The following PRKAG2 variants were observed in gnomAD, a reference collection of about 807,000 sequenced individuals.
The protein encoded by PRKAG2 is 5'-AMP-activated protein kinase subunit gamma-2.
A neutral mutation model predicts 69.6 loss-of-function variants in PRKAG2; 26 were observed. The ratio of observed to expected loss-of-function variants is 0.37; its 90% CI spans 0.27 to 0.52. PRKAG2 has a LOEUF of 0.52. PRKAG2 is among the 20% of genes least tolerant of loss of function. The pLI is 0.90. For synonymous variants in PRKAG2, 293 were observed against 285.0 expected, an observed-to-expected ratio of 1.03 and a Z score of -0.28; for missense variants, 557 against 740.0, an observed-to-expected ratio of 0.75 and a Z score of 2.87.
intron 3 of PRKAG2, 91 bp from the exon 4 acceptor site, chr7:151,675,728 T>C (rs1832822367): frequency 1.6e-6 from 2 of 1,274,812 alleles, no homozygotes; most frequent in Non-Finnish European, 2.3e-6. Context: ...GGAAGGGAGA[T>C]GGGGAGAGGT....
intron 4 of PRKAG2, among the ~76,000 whole-genome samples, chr7:151,634,430 T>A (rs538188113): frequency 1.3e-5 from 2 of 152,054 alleles, no homozygotes; most frequent in East Asian, 3.9e-4. Flanking sequence ...AAAAACACAG[T>A]CCATAAAAGG....
At chr7:151,689,223 G>C (rs893268757) in intron 3 of PRKAG2, among the ~76,000 whole-genome samples, 2 of 152,206 alleles carry the variant, frequency 1.3e-5, no homozygotes, top group Non-Finnish European at 2.9e-5. Flanking sequence ...CTCATGAACA[G>C]ATCCCCTCCT....
At chr7:151,802,171 C>G (rs75799992) in intron 1 of PRKAG2, among the ~76,000 whole-genome samples, 1 of 152,194 alleles carries the variant, frequency 6.6e-6, no homozygotes, top group South Asian at 2.1e-4. Flanking sequence ...TGGGACATCC[C>G]TAGAGCCAGA....
At chr7:151,676,352 C>A (rs1832948457) in intron 3 of PRKAG2, among the ~76,000 whole-genome samples, 1 of 152,006 alleles carries the variant, frequency 6.6e-6, no homozygotes, top group African/African-American at 2.4e-5. Flanking sequence ...AGTAGCAAGA[C>A]TTCACTGCGA....
At chr7:151,849,857 T>C (rs2079528546) in intron 1 of PRKAG2, among the ~76,000 whole-genome samples, 1 of 152,186 alleles carries the variant, frequency 6.6e-6, no homozygotes, top group South Asian at 2.1e-4. Context: ...AGAGACGCCA[T>C]ATCCACACAA....
Position 151,699,739 on chromosome 7 carries a change from T to C in PRKAG2, c.467-24102A>G, listed in dbSNP as rs1052955676. Among the ~76,000 whole-genome samples, 2 of 152,156 alleles carry C rather than the reference T, an allele frequency of 1.3e-5. No individual in the cohort carries two copies. Among genetic ancestry groups the C allele is most frequent in the African/African-American group, 4.8e-5 (2 of 41,424 alleles). ...CAGGAAGCATCTGATGGAGGACACGTCAATCTTTTCATCAATCATTGAAAG... is the reference window on the plus strand; with the variant it reads ...CAGGAAGCATCTGATGGAGGACACGCCAATCTTTTCATCAATCATTGAAAG... On this transcript the variant is annotated intron_variant, in intron 3 of 15. Transcript: ENST00000287878. This position sits in a 1 kb window ranked among gnomAD's most constrained non-coding sequence, Gnocchi z 4.5.
intron 15 of PRKAG2, chr7:151,559,762 T>A: frequency 1.4e-5 from 14 of 985,404 alleles, no homozygotes; most frequent in Non-Finnish European, 1.7e-5. Flanking sequence ...GGCATGCTGT[T>A]TGCTCCCACA....
chr7:151,814,511 C>G lies in PRKAG2; in HGVS notation c.115-27970G>C, dbSNP rs142147932. 102 of 1,231,054 alleles carry G rather than the reference C, an allele frequency of 8.3e-5. No homozygotes were observed. The highest frequency in any genetic ancestry group is 6.5e-5 in the Non-Finnish European group (64 of 987,930). 76.3% of individuals were successfully genotyped at this position (1,231,054 alleles called of 1,614,324 possible). A position where few individuals can be genotyped will look rare whatever the true frequency, so the allele number is the denominator to read the frequency against. ...GATGGCAGGATGCGAGTGACGGGGA[C>G]GGGCGGCACTCCCAGCTCTGACAAA... On this transcript the variant is annotated intron_variant, in intron 1 of 15. Coordinates refer to ENST00000287878, the MANE Select transcript of PRKAG2 (RefSeq NM_016203.4). The surrounding 1 kb of genome is among the most constrained non-coding windows in gnomAD (Gnocchi z 4.8).
At chr7:151,687,811 C>T (rs1408943275) in intron 3 of PRKAG2, among the ~76,000 whole-genome samples, 1 of 152,186 alleles carries the variant, frequency 6.6e-6, no homozygotes, top group African/African-American at 2.4e-5. Context: ...GGGAGAAGAC[C>T]GTTTGTATGG....
At chr7:151,855,078 T>G (rs373580620) in intron 1 of PRKAG2, among the ~76,000 whole-genome samples, 1 of 13,448 alleles carries the variant, frequency 7.4e-5, no homozygotes. Context: ...ACACACACCA[T>G]CCTCCACACA....
chr7:151,833,052 AAGAC>A (rs1229623819), intron 1 of PRKAG2, among the ~76,000 whole-genome samples: 4 of 152,202 alleles, frequency 2.6e-5, no homozygotes, highest in Non-Finnish European at 5.9e-5. Flanking sequence ...CAGGAACAGA[AAGAC>A]AGACAGCGTC....
intron 3 of PRKAG2, among the ~76,000 whole-genome samples, chr7:151,680,048 T>C (rs1250814232): frequency 6.6e-6 from 1 of 152,148 alleles, no homozygotes; most frequent in Non-Finnish European, 1.5e-5. Context: ...CAAGATCCTA[T>C]CTCACAAAAC....
At chr7:151,866,019 CAAAA>C (rs61697386) in intron 1 of PRKAG2, among the ~76,000 whole-genome samples, 2 of 95,740 alleles carry the variant, frequency 2.1e-5, no homozygotes, top group African/African-American at 4.3e-5. Flanking sequence ...GACTCTGTCT[CAAAA>C]AAAAAAAAAA....
chr7:151,626,199 C>G (rs868197150), intron 5 of PRKAG2, among the ~76,000 whole-genome samples: 38 of 152,134 alleles, frequency 2.5e-4, no homozygotes, highest in African/African-American at 6.8e-4. Flanking sequence ...TTACCAATAC[C>G]CCCGAATCCT....
At position 151,814,472 on chromosome 7, in the gene PRKAG2, C is replaced by T. The variant is rs1307576069; in HGVS notation, c.115-27931G>A. On this transcript the variant is annotated intron_variant, in intron 1 of 15. Transcript: ENST00000287878. This position sits in a 1 kb window ranked among gnomAD's most constrained non-coding sequence, Gnocchi z 4.8. Reference sequence around the variant, plus strand: ...TCCAGATGCTAATAAGCAGTGCAGGCTTGTAAGCTGCTGGATGGCAGGATG... The same window carrying T: ...TCCAGATGCTAATAAGCAGTGCAGGTTTGTAAGCTGCTGGATGGCAGGATG... The T allele has an allele frequency of 8.1e-7, 1 of 1,230,656 alleles. No homozygotes were observed. Among genetic ancestry groups the T allele is most frequent in the Non-Finnish European group, 1.0e-6 (1 of 987,824 alleles). 76.2% of individuals were successfully genotyped at this position (1,230,656 alleles called of 1,614,324 possible).
intron 1 of PRKAG2, among the ~76,000 whole-genome samples, chr7:151,864,088 C>T (rs1408064773): frequency 6.6e-6 from 1 of 152,144 alleles, no homozygotes; most frequent in African/African-American, 2.4e-5. Context: ...AGAATGGAGT[C>T]TGGAGCCCAC....
intron 3 of PRKAG2, among the ~76,000 whole-genome samples, chr7:151,701,437 G>A (rs1837667713): frequency 6.6e-6 from 1 of 152,208 alleles, no homozygotes; most frequent in South Asian, 2.1e-4. Context: ...GGTCATACTA[G>A]GGTGGGTCCT....
At chr7:151,785,162 G>A (rs372001206) in intron 2 of PRKAG2, among the ~76,000 whole-genome samples, 1 of 152,250 alleles carries the variant, frequency 6.6e-6, no homozygotes, top group South Asian at 2.1e-4. Context: ...AGCCGTCTGC[G>A]GAGCAGAGCT....
chr7:151,698,249 A>C (rs1206028906), intron 3 of PRKAG2, among the ~76,000 whole-genome samples: 1 of 152,194 alleles, frequency 6.6e-6, no homozygotes, highest in East Asian at 1.9e-4. Context: ...ACATTCAGCC[A>C]GCACTTCACC....
Sources: gnomAD v4.1 joint callset for allele counts (sites outside exome capture counted in the v4.1 genomes callset) on GRCh38, gnomAD v4.1.1 for gene constraint, Gnocchi (gnomAD v3.1) non-coding constraint, MANE v1.5 for transcripts, NCBI Gene and HGNC (gene_info 2026-07-23, HGNC 2026-07-21) for gene names.